The following XIRP2 variants were observed in gnomAD, a reference collection of about 807,000 sequenced individuals.
XIRP2 encodes the protein xin actin-binding repeat-containing protein 2.
Under a neutral mutation model 277.0 loss-of-function variants are expected in XIRP2, and 236 were observed. The observed-to-expected ratio is 0.85, with a 90% CI of 0.77 to 0.95. The LOEUF is 0.95. Among genes scored for constraint, XIRP2 ranks in the 40% least tolerant of loss-of-function variants. The pLI, the probability that XIRP2 is intolerant of heterozygous loss-of-function variation, is 0.00. For missense variants in XIRP2, 4,640 were observed against 4,157.5 expected, an observed-to-expected ratio of 1.12 and a Z score of -3.19; for synonymous variants, 1,490 against 1,416.5, an observed-to-expected ratio of 1.05 and a Z score of -1.17.
intron 2 of XIRP2, among the ~76,000 whole-genome samples, chr2:167,024,742 A>G (rs2105491791): frequency 6.6e-6 from 1 of 152,264 alleles, no homozygotes; most frequent in Non-Finnish European, 1.5e-5. Flanking sequence ...TTCTGTTTAT[A>G]TGCTGGATTA....
chr2:167,174,776 A>G (rs1352426665), intron 3 of XIRP2, among the ~76,000 whole-genome samples: 2 of 152,192 alleles, frequency 1.3e-5, no homozygotes, highest in African/African-American at 4.8e-5. Context: ...AGATTCTGGT[A>G]TATTGAGTCT....
At position 167,246,682 on chromosome 2, in the gene XIRP2, G is replaced by A. The variant is rs370578587; in HGVS notation, c.5290G>A (p.Glu1764Lys). The A allele has an allele frequency of 3.1e-6, 5 of 1,613,574 alleles. No homozygotes were observed. The highest frequency in any genetic ancestry group is 4.2e-6 in the Non-Finnish European group (5 of 1,179,816). Residue 1764 changes from glutamate to lysine, a missense_variant, in exon 9 of 11, where the codon GAG becomes AAG. Coordinates refer to ENST00000409195, the MANE Select transcript of XIRP2 (RefSeq NM_152381.6). The part of the protein sequence containing the change: ...ALDYLKQLHT[E>K]SNETLTAKKQ... ...GGATTATCTGAAACAACTCCACACA[G>A]AGTCAAATGAAACACTGACAGCTAA...
chr2:167,056,337 T>C (rs1689036462), intron 2 of XIRP2, among the ~76,000 whole-genome samples: 1 of 152,186 alleles, frequency 6.6e-6, no homozygotes, highest in African/African-American at 2.4e-5. Context: ...TTTCTGCTGG[T>C]TGATTTACGT....
chr2:167,086,876 C>T, intron 2 of XIRP2, among the ~76,000 whole-genome samples: 1 of 152,024 alleles, frequency 6.6e-6, no homozygotes, highest in Admixed American at 6.6e-5. Context: ...AACTTCTTTG[C>T]CTTTGGTCTG....
intron 3 of XIRP2, among the ~76,000 whole-genome samples, chr2:167,199,850 G>T (rs553575588): frequency 5.9e-5 from 9 of 152,178 alleles, no homozygotes; most frequent in African/African-American, 2.2e-4. Flanking sequence ...GATCTGGAAA[G>T]CTGAGAATCA....
intron 9 of XIRP2, among the ~76,000 whole-genome samples, chr2:167,252,261 TG>T (rs1184932720): frequency 1.3e-5 from 2 of 152,008 alleles, no homozygotes; most frequent in Admixed American, 6.6e-5. Context: ...TTTTATTTCA[TG>T]CAATTATTCT....
intron 2 of XIRP2, among the ~76,000 whole-genome samples, chr2:166,962,418 C>T (rs1251514062): frequency 6.6e-6 from 1 of 151,602 alleles, no homozygotes. Flanking sequence ...TCATTGGATA[C>T]ACTAAAGACA....
At chr2:166,977,737 A>C (rs1349034474) in intron 2 of XIRP2, among the ~76,000 whole-genome samples, 1 of 152,214 alleles carries the variant, frequency 6.6e-6, no homozygotes, top group Non-Finnish European at 1.5e-5. Flanking sequence ...GAATAAGTGA[A>C]GTAAACCTTG....
chr2:166,941,933 G>C (rs1304813172), intron 2 of XIRP2, among the ~76,000 whole-genome samples: 2 of 152,136 alleles, frequency 1.3e-5, no homozygotes, highest in African/African-American at 4.8e-5. Context: ...TTACAATAAA[G>C]AAACAGCAAT....
chr2:167,067,133 C>T lies in XIRP2; in HGVS notation c.409-68776C>T, dbSNP rs78123534. Reference sequence around the variant, plus strand: ...TTCTTCAAATATGTGTTCTGCCTCCCTCCTTTCTATTCCTTTCCCGAGACT... The same window carrying T: ...TTCTTCAAATATGTGTTCTGCCTCCTTCCTTTCTATTCCTTTCCCGAGACT... On this transcript the variant is annotated intron_variant, in intron 2 of 10. Coordinates refer to ENST00000409195, the MANE Select transcript of XIRP2 (RefSeq NM_152381.6). Among the ~76,000 whole-genome samples, 204 of 152,006 alleles carry T rather than the reference C, an allele frequency of 1.3e-3. No individual in the cohort carries two copies. In the East Asian group the frequency reaches 0.019, roughly 14 times the overall value.
chr2:166,914,751 G>A lies in XIRP2; in HGVS notation c.408+10861G>A, dbSNP rs993356159. Among the ~76,000 whole-genome samples, 40 of 152,070 alleles carry A rather than the reference G, an allele frequency of 2.6e-4. 1 individual carries two copies. Among genetic ancestry groups the A allele is most frequent in the African/African-American group, 8.9e-4 (37 of 41,402 alleles). On this transcript the variant is annotated intron_variant, in intron 2 of 10. Transcript: ENST00000409195. ...TTTTAAACATTGTTTAAAAATGGTTGGATAATATATGATTGTGGAGTTTTT... is the reference window on the plus strand; with the variant it reads ...TTTTAAACATTGTTTAAAAATGGTTAGATAATATATGATTGTGGAGTTTTT...
At chr2:167,013,089 A>G (rs1156383415) in intron 2 of XIRP2, among the ~76,000 whole-genome samples, 1 of 151,376 alleles carries the variant, frequency 6.6e-6, no homozygotes, top group East Asian at 1.9e-4. Flanking sequence ...TAAATTGTGT[A>G]CCCAAACTAT....
intron 2 of XIRP2, among the ~76,000 whole-genome samples, chr2:167,016,957 T>C (rs1361608147): frequency 1.3e-5 from 2 of 151,958 alleles, no homozygotes; most frequent in Non-Finnish European, 2.9e-5. Context: ...AAGTATGGCC[T>C]TAAGGTAAAC....
At chr2:166,975,848 G>A (rs553612008) in intron 2 of XIRP2, among the ~76,000 whole-genome samples, 6 of 147,462 alleles carry the variant, frequency 4.1e-5, no homozygotes, top group South Asian at 2.1e-4. Flanking sequence ...AGAGAATGGC[G>A]TGAACCCTGG....
In XIRP2 at chr2:167,258,858, A is replaced by C; in HGVS notation, c.*1041A>C. 1 of 1,613,264 alleles carries C rather than the reference A, an allele frequency of 6.2e-7. No homozygotes were observed. Among genetic ancestry groups the C allele is most frequent in the Non-Finnish European group, 8.5e-7 (1 of 1,179,618 alleles). On this transcript the variant is annotated 3_prime_UTR_variant, in exon 11 of 11. Transcript: ENST00000409195. ...GGTATATTTGAATCTGAAAAGACTT[A>C]TTCGAGGAATGTACTAGCAATGGCT... is the stretch of plus-strand genomic sequence containing the variant.
intron 4 of XIRP2, among the ~76,000 whole-genome samples, chr2:167,215,063 C>A (rs1318993570): frequency 6.6e-6 from 1 of 152,036 alleles, no homozygotes; most frequent in Non-Finnish European, 1.5e-5. Flanking sequence ...TAATAATTAC[C>A]TTAATGTCTA....
intron 2 of XIRP2, among the ~76,000 whole-genome samples, chr2:166,978,927 T>TG (rs1434503154): frequency 1.3e-5 from 2 of 152,206 alleles, no homozygotes; most frequent in African/African-American, 4.8e-5. Context: ...ATCATGCCAC[T>TG]GCATTCCAGC....
At chr2:167,179,326 T>G (rs958701927) in intron 3 of XIRP2, among the ~76,000 whole-genome samples, 2 of 150,488 alleles carry the variant, frequency 1.3e-5, no homozygotes, top group South Asian at 2.1e-4. Flanking sequence ...TTTTCTTGTT[T>G]TTTTTTTTTT....
At chr2:167,058,021 A>ATTATT (rs370711918) in intron 2 of XIRP2, among the ~76,000 whole-genome samples, 6,343 of 136,644 alleles carry the variant, frequency 0.046, 179 homozygotes, top group South Asian at 0.081. Context: ...TTATTTTATA[A>ATTATT]TTATTTTATT....
Sources: gnomAD v4.1 joint callset for allele counts (sites outside exome capture counted in the v4.1 genomes callset) on GRCh38, gnomAD v4.1.1 for gene constraint, MANE v1.5 for transcripts, NCBI Gene and HGNC (gene_info 2026-07-23, HGNC 2026-07-21) for gene names.